Variants in RALGAPB observed in about 807,000 individuals in gnomAD.
RALGAPB encodes the protein ral GTPase-activating protein subunit beta.
Under a neutral mutation model 161.1 loss-of-function variants are expected in RALGAPB, and 25 were observed. That is an observed-to-expected ratio of 0.16 (90% CI 0.11 to 0.22). The LOEUF is 0.22. Among genes scored for constraint, RALGAPB ranks in the 10% least tolerant of loss-of-function variants. The pLI, the probability that RALGAPB is intolerant of heterozygous loss-of-function variation, is 1.00. For synonymous variants in RALGAPB, 629 were observed against 626.1 expected (o/e 1.00, Z -0.07); for missense variants, 1,391 against 1,815.2 (o/e 0.77, Z 4.25).
intron 6 of RALGAPB, 83 bp from the exon 7 acceptor site, chr20:38,516,109 C>G: frequency 9.1e-7 from 1 of 1,095,350 alleles, no homozygotes; most frequent in Non-Finnish European, 1.3e-6. Context: ...TAGGCACAGT[C>G]CTATTCTTAA....
intron 1 of RALGAPB, among the ~76,000 whole-genome samples, chr20:38,483,098 A>C (rs1168812188): frequency 6.6e-6 from 1 of 152,182 alleles, no homozygotes; most frequent in Non-Finnish European, 1.5e-5. Context: ...CATGTTGCCT[A>C]GGCTAGTCTC....
chr20:38,506,541 G>A (rs1010501167), intron 5 of RALGAPB, among the ~76,000 whole-genome samples: 2 of 152,148 alleles, frequency 1.3e-5, no homozygotes, highest in African/African-American at 4.8e-5. Context: ...CAGTCCTCCT[G>A]CCTTGGCCTC....
intron 1 of RALGAPB, 80 bp from the exon 2 acceptor site, chr20:38,488,323 T>C (rs1303587127): frequency 4.6e-6 from 4 of 868,970 alleles, no homozygotes; most frequent in Non-Finnish European, 5.3e-6. Flanking sequence ...ATCATGCCAA[T>C]AGTCTATACA....
At chr20:38,550,155 G>GA (rs1262146099) in intron 20 of RALGAPB, among the ~76,000 whole-genome samples, 2 of 152,184 alleles carry the variant, frequency 1.3e-5, no homozygotes, top group African/African-American at 2.4e-5. Context: ...CGGGTAGGGG[G>GA]AGTGGGGAGG....
At chr20:38,562,485 ATTATT>A (rs770958323) in intron 23 of RALGAPB, 42 bp from the exon 24 acceptor site, 2 of 1,434,796 alleles carry the variant, frequency 1.4e-6, no homozygotes, top group African/African-American at 2.9e-5. Context: ...ATTTTGATAT[ATTATT>A]TTGTTTCCTT....
In RALGAPB at chr20:38,516,230, C is replaced by G. The variant is rs752849956; in HGVS notation, c.911C>G (p.Ser304Cys). ...VDLSNPAIIS[S>C]TPKFQEQFLN... is the part of the protein sequence containing the mutation. ...TTGAGTAACCCAGCTATTATAAGCT[C>G]TACTCCCAAATTTCAGGAACAGTTC... Residue 304 changes from serine to cysteine, a missense_variant, in exon 7 of 30, where the codon TCT becomes TGT. By Grantham distance (112) the Ser-to-Cys change is moderately radical. Transcript: ENST00000262879. 2 of 1,612,356 alleles carry G rather than the reference C, an allele frequency of 1.2e-6. No individual in the cohort carries two copies. The highest frequency in any genetic ancestry group is 1.7e-5 in the Admixed American group (1 of 59,880).
At chr20:38,530,667 GCTCACTGCAACCTC>G (rs1474337474) in intron 13 of RALGAPB, among the ~76,000 whole-genome samples, 1 of 150,972 alleles carries the variant, frequency 6.6e-6, no homozygotes, top group Admixed American at 6.6e-5. Flanking sequence ...TGCAATTTCG[GCTCACTGCAACCTC>G]CACCTCCCAG....
In RALGAPB at chr20:38,488,387, T is replaced by G; in HGVS notation, c.-30-16T>G. ...AATAGTATAATTTGACATGCATTTC[T>G]GTTTTGTCTTTTCAGGTGCCATTTG... is the stretch of plus-strand genomic sequence containing the variant. On this transcript the variant is annotated splice_polypyrimidine_tract_variant and intron_variant, in intron 1 of 29. Coordinates refer to ENST00000262879, the MANE Select transcript of RALGAPB (RefSeq NM_020336.4). 2 of 1,476,358 alleles carry G rather than the reference T, an allele frequency of 1.4e-6. No homozygotes were observed. Among genetic ancestry groups the G allele is most frequent in the South Asian group, 2.4e-5 (2 of 83,608 alleles). The allele number at this position is 1,476,358 out of a possible 1,614,324, so 91.5% of individuals were successfully genotyped here.
intron 9 of RALGAPB, among the ~76,000 whole-genome samples, chr20:38,519,495 G>T (rs1344930563): frequency 6.6e-6 from 1 of 152,096 alleles, no homozygotes; most frequent in African/African-American, 2.4e-5. Flanking sequence ...CTGTTGCTTG[G>T]TTGGTGGGCT....
chr20:38,546,263 C>T lies in RALGAPB; in HGVS notation c.2735C>T (p.Ala912Val), dbSNP rs955168447. Residue 912 changes from alanine (A) to valine (V), a missense_variant, in exon 19 of 30, where the codon GCA becomes GTA. This residue lies in a region of RALGAPB where 946 missense variants were observed against 1,257.2 expected (regional missense o/e 0.75). Transcript: ENST00000262879. Reference protein sequence around the residue: ...TLTCIMQLLGAFPSPSGPASP... With the variant: ...TLTCIMQLLGVFPSPSGPASP... Reference sequence around the variant, plus strand: ...CATAGCATTATGCAGTTGCTCGGCGCATTTCCTTCACCTAGTGGTCCTGCC... The same window carrying T: ...CATAGCATTATGCAGTTGCTCGGCGTATTTCCTTCACCTAGTGGTCCTGCC... The T allele has an allele frequency of 6.2e-7, 1 of 1,614,078 alleles. No homozygotes were observed. The highest frequency in any genetic ancestry group is 1.3e-5 in the African/African-American group (1 of 75,052).
chr20:38,545,409 T>A (rs1239501759), intron 18 of RALGAPB, among the ~76,000 whole-genome samples: 1 of 152,200 alleles, frequency 6.6e-6, no homozygotes, highest in Non-Finnish European at 1.5e-5. Context: ...ATTCCCATTT[T>A]ATAATGAAGG....
intron 23 of RALGAPB, 94 bp downstream of exon 23, chr20:38,558,547 T>A: frequency 8.4e-7 from 1 of 1,196,116 alleles, no homozygotes; most frequent in Non-Finnish European, 1.1e-6. Flanking sequence ...ATGGAGAGTT[T>A]ATTTGGGCCA....
intron 3 of RALGAPB, among the ~76,000 whole-genome samples, chr20:38,495,356 T>C (rs2085395381): frequency 6.6e-6 from 1 of 152,236 alleles, no homozygotes; most frequent in South Asian, 2.1e-4. Context: ...GTTAAGGTTT[T>C]AATTGCTCAC....
chr20:38,555,456 A>G (rs2087549721), intron 22 of RALGAPB, among the ~76,000 whole-genome samples: 4 of 152,232 alleles, frequency 2.6e-5, no homozygotes, highest in African/African-American at 9.6e-5. Flanking sequence ...AATGCAGAAT[A>G]AAAGAGCAGA....
chr20:38,556,723 A>G (rs1265826785), intron 22 of RALGAPB, among the ~76,000 whole-genome samples: 1 of 152,152 alleles, frequency 6.6e-6, no homozygotes, highest in East Asian at 1.9e-4. Flanking sequence ...AGCTGAGGAA[A>G]TACCTTACTT....
chr20:38,473,246 G>A (rs1036858670), intron 1 of RALGAPB, among the ~76,000 whole-genome samples, 177 bp downstream of exon 1: 4 of 152,136 alleles, frequency 2.6e-5, no homozygotes, highest in African/African-American at 9.7e-5. Context: ...GGGAAAGCTT[G>A]GCCCTGGAGT....
At chr20:38,516,076 G>T (rs941317327) in intron 6 of RALGAPB, 116 bp from the exon 7 acceptor site, 1 of 748,670 alleles carries the variant, frequency 1.3e-6, no homozygotes, top group Non-Finnish European at 2.0e-6. Context: ...ATACAAATCA[G>T]TCTCTTTTCT....
At chr20:38,497,308 G>A (rs1303257485) in intron 3 of RALGAPB, 45 bp from the exon 4 acceptor site, 3 of 1,580,088 alleles carry the variant, frequency 1.9e-6, no homozygotes, top group Middle Eastern at 1.7e-4. Flanking sequence ...AGCTGTTGCT[G>A]TCTCTCCTCC....
chr20:38,549,866 A>C (rs1423589769), intron 20 of RALGAPB, among the ~76,000 whole-genome samples: 1 of 152,192 alleles, frequency 6.6e-6, no homozygotes, highest in Admixed American at 6.5e-5. Context: ...ATAACATTGT[A>C]AGCTTTTATT....
Sources: allele counts gnomAD v4.1 joint callset (sites outside exome capture counted in the v4.1 genomes callset), GRCh38; gene constraint gnomAD v4.1.1; regional missense constraint gnomAD v4.1.1; transcripts MANE v1.5; gene names NCBI Gene and HGNC (gene_info 2026-07-23, HGNC 2026-07-21).